Variants in MSRB3 observed in about 807,000 individuals in gnomAD.
MSRB3 encodes the protein methionine-R-sulfoxide reductase B3.
Under a neutral mutation model 21.0 loss-of-function variants are expected in MSRB3, and 13 were observed. The ratio of observed to expected loss-of-function variants is 0.62; its 90% CI spans 0.40 to 0.98. MSRB3 has a LOEUF of 0.98. Among genes scored for constraint, MSRB3 ranks in the 50% least tolerant of loss-of-function variants. The pLI, the probability that MSRB3 is intolerant of heterozygous loss-of-function variation, is 0.00. For synonymous variants in MSRB3, 87 were observed against 88.6 expected (o/e 0.98, Z 0.10); for missense variants, 199 against 230.3 (o/e 0.86, Z 0.88).
At chr12:65,397,829 A>G (rs1219130636) in intron 5 of MSRB3, among the ~76,000 whole-genome samples, 2 of 151,458 alleles carry the variant, frequency 1.3e-5, no homozygotes, top group East Asian at 1.9e-4. Context: ...TCATTGTTCA[A>G]CTCCCACTTA....
At chr12:65,291,231 G>A (rs1019127238) in intron 1 of MSRB3, among the ~76,000 whole-genome samples, 12 of 151,760 alleles carry the variant, frequency 7.9e-5, no homozygotes, top group African/African-American at 1.2e-4. Flanking sequence ...GATTACAGGC[G>A]CCTGCCACCA....
chr12:65,401,262 T>C (rs1880108671), intron 5 of MSRB3, among the ~76,000 whole-genome samples: 1 of 152,192 alleles, frequency 6.6e-6, no homozygotes, highest in African/African-American at 2.4e-5. Context: ...TTTGTAGGTC[T>C]CTAAGAACTT....
At chr12:65,306,891 G>T (rs750077940) in intron 1 of MSRB3, 8 of 985,720 alleles carry the variant, frequency 8.1e-6, no homozygotes, top group African/African-American at 5.2e-5. Context: ...CTTCCTGTGC[G>T]CTGGCTTTGA....
At chr12:65,331,774 G>A (rs887017934) in intron 4 of MSRB3, among the ~76,000 whole-genome samples, 1 of 152,252 alleles carries the variant, frequency 6.6e-6, no homozygotes, top group African/African-American at 2.4e-5. Context: ...CTCTGCAGGA[G>A]TTGGTTGCTG....
chr12:65,308,130 T>C (rs1426158954), intron 1 of MSRB3, among the ~76,000 whole-genome samples: 1 of 152,206 alleles, frequency 6.6e-6, no homozygotes, highest in African/African-American at 2.4e-5. Context: ...TTTCTTCACA[T>C]ACGTATTGGG....
intron 2 of MSRB3, 104 bp from the exon 3 acceptor site, chr12:65,326,722 C>A (rs1303822412): frequency 1.2e-6 from 1 of 803,576 alleles, no homozygotes; most frequent in South Asian, 1.4e-5. Flanking sequence ...CTGGTCTGGT[C>A]ATTGACAAGT....
intron 2 of MSRB3, among the ~76,000 whole-genome samples, chr12:65,314,636 G>A (rs2136431609): frequency 6.6e-6 from 1 of 152,112 alleles, no homozygotes; most frequent in Non-Finnish European, 1.5e-5. Flanking sequence ...TTGGGCATAT[G>A]GTTTGTTAAG....
intron 4 of MSRB3, among the ~76,000 whole-genome samples, chr12:65,337,291 G>T (rs1404195146): frequency 2.0e-5 from 3 of 151,388 alleles, no homozygotes; most frequent in African/African-American, 7.3e-5. Context: ...AAAATCAGCT[G>T]GGCATGGTGA....
chr12:65,400,236 C>A (rs555100329), intron 5 of MSRB3, among the ~76,000 whole-genome samples: 2 of 132,072 alleles, frequency 1.5e-5, no homozygotes, highest in East Asian at 2.2e-4. Context: ...TGGTCCTGGG[C>A]TTTTTTTTTT....
chr12:65,436,608 A>G (rs1592636896), intron 5 of MSRB3, among the ~76,000 whole-genome samples: 1 of 151,986 alleles, frequency 6.6e-6, no homozygotes, highest in African/African-American at 2.4e-5. Context: ...GAGTTTTTTA[A>G]TTCACTGAAC....
At chr12:65,358,673 T>C (rs1176396040) in intron 4 of MSRB3, among the ~76,000 whole-genome samples, 1 of 151,974 alleles carries the variant, frequency 6.6e-6, no homozygotes, top group Non-Finnish European at 1.5e-5. Context: ...TGGTTTTCTT[T>C]ATTAGAGAGT....
At chr12:65,457,729 A>G (rs967061240) in intron 6 of MSRB3, among the ~76,000 whole-genome samples, 3 of 151,336 alleles carry the variant, frequency 2.0e-5, no homozygotes, top group African/African-American at 7.4e-5. Flanking sequence ...CAGAATCTAC[A>G]AAGAAATTAA....
intron 1 of MSRB3, among the ~76,000 whole-genome samples, chr12:65,297,488 T>C (rs1000258048): frequency 4.6e-5 from 7 of 152,208 alleles, no homozygotes; most frequent in African/African-American, 1.7e-4. Context: ...TTGGCTATCA[T>C]CAGAACATTA....
intron 5 of MSRB3, among the ~76,000 whole-genome samples, chr12:65,379,312 T>C (rs1878816856): frequency 6.6e-6 from 1 of 152,164 alleles, no homozygotes; most frequent in Admixed American, 6.5e-5. Context: ...TAAGACCTTG[T>C]TTCCAAATTC....
At chr12:65,308,466 G>T (rs771994941) in intron 1 of MSRB3, 63 bp from the exon 2 acceptor site, 279 of 1,575,488 alleles carry the variant, frequency 1.8e-4, no homozygotes, top group Non-Finnish European at 2.1e-4. Flanking sequence ...GTTGTGCAAT[G>T]AATGTGTTTA....
At chr12:65,418,304 G>T (rs1881088097) in intron 5 of MSRB3, among the ~76,000 whole-genome samples, 1 of 152,076 alleles carries the variant, frequency 6.6e-6, no homozygotes, top group African/African-American at 2.4e-5. Context: ...AGGGTTTTGG[G>T]AAGTTATCTA....
At chr12:65,303,315 A>T (rs1288105666) in intron 1 of MSRB3, among the ~76,000 whole-genome samples, 1 of 152,186 alleles carries the variant, frequency 6.6e-6, no homozygotes, top group Non-Finnish European at 1.5e-5. Context: ...AAGGGAAAAA[A>T]GATAAAACAA....
At chr12:65,406,698 T>C (rs1380920213) in intron 5 of MSRB3, among the ~76,000 whole-genome samples, 4 of 152,200 alleles carry the variant, frequency 2.6e-5, no homozygotes, top group Non-Finnish European at 4.4e-5. Context: ...TTACTACAAA[T>C]CTATGCTATG....
chr12:65,312,612 T>C (rs1874052341), intron 2 of MSRB3, among the ~76,000 whole-genome samples: 1 of 152,094 alleles, frequency 6.6e-6, no homozygotes, highest in Non-Finnish European at 1.5e-5. Flanking sequence ...GCATATTTAA[T>C]AGTTTCCATG....
Sources: allele counts gnomAD v4.1 joint callset (sites outside exome capture counted in the v4.1 genomes callset), GRCh38; gene constraint gnomAD v4.1.1; transcripts MANE v1.5; gene names NCBI Gene and HGNC (gene_info 2026-07-23, HGNC 2026-07-21).